ZNF33A: variants seen among roughly 807,000 people sequenced by gnomAD.
The protein encoded by ZNF33A is brain my041 protein.
ZNF33A carries 9 observed loss-of-function variants against 15.9 expected under a neutral mutation model. The ratio of observed to expected loss-of-function variants is 0.57; its 90% CI spans 0.34 to 0.99. The LOEUF is 0.99. Among genes scored for constraint, ZNF33A ranks in the 50% least tolerant of loss-of-function variants. The probability of loss-of-function intolerance (pLI) is 0.02; values close to 1 mark genes in which losing one functional copy is unlikely to be tolerated. For missense variants in ZNF33A, 843 were observed against 941.6 expected, an observed-to-expected ratio of 0.90 and a Z score of 1.37; for synonymous variants, 294 against 324.2, an observed-to-expected ratio of 0.91 and a Z score of 1.00.
intron 3 of ZNF33A, 133 bp from the exon 4 acceptor site, chr10:38,017,158 A>C (rs990393555): frequency 1.5e-6 from 2 of 1,371,648 alleles, no homozygotes; most frequent in African/African-American, 2.9e-5. Context: ...GAGTACCAGA[A>C]GATACTTGTG....
Position 38,055,161 on chromosome 10 carries a change from G to A in ZNF33A, c.1037G>A (p.Arg346Gln), listed in dbSNP as rs1454204140. The change falls in exon 5 of 5, where the codon CGA (arginine) becomes CAA (glutamine). Residue 346 changes from arginine to glutamine, a missense_variant. Arg to Gln is a conservative substitution (Grantham distance 43). Transcript: ENST00000432900. ...TTCTGGGAGAAGTCACATCTCACTC[G>A]ACATCAGAGGGTGCACACAGGACAG... is the stretch of plus-strand genomic sequence containing the variant. ...KAFWEKSHLT[R>Q]HQRVHTGQKP... The A allele has an allele frequency of 1.2e-5, 20 of 1,613,902 alleles. No homozygotes were observed. The highest frequency in any genetic ancestry group is 3.3e-5 in the Admixed American group (2 of 59,984).
At position 38,056,518 on chromosome 10, in the gene ZNF33A, A is replaced by G. The variant is rs1321014654; in HGVS notation, c.2394A>G (p.Ser798=). ...GCCTCCATAATGCCTCAGAGTATTC[A>G]CACTGTGGAGAAAGCCCTGATGACA... is the stretch of plus-strand genomic sequence containing the variant. ...QVSLHNASEY[S]HCGESPDDIL... Residue 798 remains serine, a synonymous_variant, in exon 5 of 5, where the codon TCA becomes TCG. Coordinates refer to ENST00000432900, the MANE Select transcript of ZNF33A (RefSeq NM_006954.2). 2.5e-6 allele frequency: 4 copies of G among 1,599,272 alleles called. No homozygotes were observed. The highest frequency in any genetic ancestry group is 3.4e-6 in the Non-Finnish European group (4 of 1,173,346).
chr10:38,022,898 TTAA>T (rs1048708034), intron 4 of ZNF33A, among the ~76,000 whole-genome samples: 4 of 152,160 alleles, frequency 2.6e-5, no homozygotes, highest in Non-Finnish European at 4.4e-5. Context: ...TACACAAGAA[TTAA>T]TGATGATTTT....
At position 38,057,103 on chromosome 10, in the gene ZNF33A, G is replaced by C. The variant is rs752669214; in HGVS notation, c.*543G>C. The stretch of plus-strand genomic sequence containing the variant: ...ACTTAGTCAGATTTTACTATGGTTT[G>C]CATGCACTCTGTGTGTGTGTGTACG... On this transcript the variant is annotated 3_prime_UTR_variant, in exon 5 of 5. Coordinates refer to ENST00000432900, the MANE Select transcript of ZNF33A (RefSeq NM_006954.2). The C allele has an allele frequency of 9.2e-5, 64 of 694,492 alleles. No individual in the cohort carries two copies. The highest frequency in any genetic ancestry group is 1.1e-4 in the Non-Finnish European group (63 of 563,580). The allele number at this position is 694,492 out of a possible 1,614,324, so 43.0% of individuals were successfully genotyped here.
chr10:38,052,431 CAAT>C (rs1249343186), intron 4 of ZNF33A, among the ~76,000 whole-genome samples: 1 of 152,068 alleles, frequency 6.6e-6, no homozygotes, highest in Non-Finnish European at 1.5e-5. Context: ...ACACTAGAAA[CAAT>C]AACCCACTGC....
chr10:38,026,855 A>AT (rs1338211442), intron 4 of ZNF33A, among the ~76,000 whole-genome samples: 2 of 152,096 alleles, frequency 1.3e-5, no homozygotes, highest in Admixed American at 6.6e-5. Context: ...GTAACTACTC[A>AT]TTCCCCCTTC....
intron 4 of ZNF33A, among the ~76,000 whole-genome samples, chr10:38,038,194 G>A (rs2065536708): frequency 6.6e-6 from 1 of 152,094 alleles, no homozygotes; most frequent in East Asian, 1.9e-4. Context: ...GTGCAATGGT[G>A]CGATCTCGGC....
chr10:38,035,713 T>G (rs989063376), intron 4 of ZNF33A, among the ~76,000 whole-genome samples: 11 of 152,124 alleles, frequency 7.2e-5, no homozygotes, highest in African/African-American at 2.7e-4. Context: ...ATGACTTCGG[T>G]GCAATGGGTA....
intron 4 of ZNF33A, among the ~76,000 whole-genome samples, chr10:38,018,532 A>AT (rs994358615): frequency 6.6e-6 from 1 of 152,260 alleles, no homozygotes; most frequent in Admixed American, 6.5e-5. Context: ...TTAGTGGTAG[A>AT]TTTTCAGCAG....
intron 4 of ZNF33A, among the ~76,000 whole-genome samples, chr10:38,022,276 A>T (rs187604004): frequency 1.3e-5 from 2 of 152,222 alleles, no homozygotes; most frequent in Middle Eastern, 3.2e-3. Context: ...CAAATCATCA[A>T]TATCTGGAAT....
At chr10:38,024,987 C>T (rs1241395843) in intron 4 of ZNF33A, among the ~76,000 whole-genome samples, 4 of 152,182 alleles carry the variant, frequency 2.6e-5, no homozygotes, top group Admixed American at 2.6e-4. Flanking sequence ...CCTGAAGTGC[C>T]AGAGTAGTGA....
At position 38,056,048 on chromosome 10, in the gene ZNF33A, T is replaced by A; in HGVS notation, c.1924T>A (p.Cys642Ser). 1 of 1,614,032 alleles carries A rather than the reference T, an allele frequency of 6.2e-7. No individual in the cohort carries two copies. Among genetic ancestry groups the A allele is most frequent in the Non-Finnish European group, 8.5e-7 (1 of 1,179,994 alleles). Residue 642 changes from cysteine (C) to serine (S), a missense_variant, in exon 5 of 5, where the codon TGT (cysteine) becomes AGT (serine). Coordinates refer to ENST00000432900, the MANE Select transcript of ZNF33A (RefSeq NM_006954.2). ...GGAGAAACCCTATAAATGTAATGAGTGTGGAAAAGCTTTCTGCCATAAGTC... is the reference window on the plus strand; with the variant it reads ...GGAGAAACCCTATAAATGTAATGAGAGTGGAAAAGCTTTCTGCCATAAGTC... ...IGEKPYKCNE[C>S]GKAFCHKSAL...
intron 4 of ZNF33A, among the ~76,000 whole-genome samples, chr10:38,049,821 T>G (rs1474812829): frequency 6.6e-6 from 1 of 152,094 alleles, no homozygotes; most frequent in African/African-American, 2.4e-5. Flanking sequence ...AAAAGCTGTT[T>G]CATTGAGAAG....
intron 4 of ZNF33A, among the ~76,000 whole-genome samples, chr10:38,041,376 C>T (rs1323660982): frequency 6.6e-6 from 1 of 150,582 alleles, no homozygotes; most frequent in Non-Finnish European, 1.5e-5. Context: ...ATTATGATGT[C>T]TCTTTGAAAA....
At chr10:38,050,414 C>G (rs2066149001) in intron 4 of ZNF33A, among the ~76,000 whole-genome samples, 1 of 152,252 alleles carries the variant, frequency 6.6e-6, no homozygotes, top group South Asian at 2.1e-4. Flanking sequence ...TCACATGTTG[C>G]TGCACTCTTG....
chr10:38,042,892 G>A (rs2065770401), intron 4 of ZNF33A, among the ~76,000 whole-genome samples: 1 of 152,080 alleles, frequency 6.6e-6, no homozygotes, highest in Non-Finnish European at 1.5e-5. Context: ...ATATGTTATA[G>A]GTCCAACAAT....
At chr10:38,039,426 C>A in intron 4 of ZNF33A, 2 of 450,350 alleles carry the variant, frequency 4.4e-6, no homozygotes, top group South Asian at 3.1e-5. Flanking sequence ...TGGGGTTTCA[C>A]CATGTTCCTG....
intron 4 of ZNF33A, among the ~76,000 whole-genome samples, chr10:38,024,304 A>G (rs2064890636): frequency 6.6e-6 from 1 of 152,210 alleles, no homozygotes; most frequent in South Asian, 2.1e-4. Context: ...AATTAAAAAC[A>G]TAATACCACT....
intron 4 of ZNF33A, among the ~76,000 whole-genome samples, chr10:38,027,680 G>T (rs1219448142): frequency 1.3e-5 from 2 of 152,110 alleles, no homozygotes; most frequent in Non-Finnish European, 1.5e-5. Flanking sequence ...AGAACTGTCA[G>T]TTTCTCCCTT....
Sources: gnomAD v4.1 joint callset for allele counts (sites outside exome capture counted in the v4.1 genomes callset) on GRCh38, gnomAD v4.1.1 for gene constraint, MANE v1.5 for transcripts, NCBI Gene and HGNC (gene_info 2026-07-23, HGNC 2026-07-21) for gene names.